The following DLC1 variants were observed in gnomAD, a reference collection of about 807,000 sequenced individuals.
The protein encoded by DLC1 is rho GTPase-activating protein 7.
A neutral mutation model predicts 140.3 loss-of-function variants in DLC1; 54 were observed. That is an observed-to-expected ratio of 0.38 (90% confidence interval 0.31 to 0.48). The LOEUF (loss-of-function observed/expected upper bound fraction) is 0.48, where lower values mean the gene tolerates loss of function less well. Among genes scored for constraint, DLC1 ranks in the 20% least tolerant of loss-of-function variants. The pLI, the probability that DLC1 is intolerant of heterozygous loss-of-function variation, is 0.96. For missense variants in DLC1, 2,536 were observed against 1,907.0 expected, an observed-to-expected ratio of 1.33 and a Z score of -6.14; for synonymous variants, 986 against 728.1, an observed-to-expected ratio of 1.35 and a Z score of -5.70.
At chr8:13,443,657 C>CAAAAAAAAAAAAAAA (rs11321891) in intron 2 of DLC1, among the ~76,000 whole-genome samples, 2 of 67,024 alleles carry the variant, frequency 3.0e-5, no homozygotes, top group Non-Finnish European at 6.9e-5. Context: ...GACTCCGTCT[C>CAAAAAAAAAAAAAAA]AAAAAAAAAA....
chr8:13,452,853 C>G (rs1799132519), intron 2 of DLC1, among the ~76,000 whole-genome samples: 2 of 152,162 alleles, frequency 1.3e-5, no homozygotes, highest in South Asian at 4.1e-4. Context: ...TCAAAATATT[C>G]TAACATGCCC....
At chr8:13,555,667 T>A (rs911581239) in intron 1 of DLC1, among the ~76,000 whole-genome samples, 1 of 151,510 alleles carries the variant, frequency 6.6e-6, no homozygotes, top group Admixed American at 6.6e-5. Context: ...ATTATTTTTT[T>A]TTTTTTGTAT....
intron 1 of DLC1, among the ~76,000 whole-genome samples, chr8:13,506,614 TATATATAC>T (rs1802096329): frequency 6.9e-6 from 1 of 145,548 alleles, no homozygotes; most frequent in African/African-American, 2.6e-5. Flanking sequence ...TATATACACA[TATATATAC>T]ACACAGAGAG....
chr8:13,349,533 A>G (rs1170736167), intron 4 of DLC1, among the ~76,000 whole-genome samples: 1 of 152,248 alleles, frequency 6.6e-6, no homozygotes, highest in Non-Finnish European at 1.5e-5. Flanking sequence ...GGTCTCAACC[A>G]GATCACCAGC....
intron 4 of DLC1, among the ~76,000 whole-genome samples, chr8:13,321,018 C>T (rs1249106821): frequency 6.6e-6 from 1 of 152,152 alleles, no homozygotes; most frequent in Non-Finnish European, 1.5e-5. Flanking sequence ...CACCATGCTT[C>T]TTGTACAGCC....
chr8:13,201,406 A>T (rs1827372672), intron 5 of DLC1, among the ~76,000 whole-genome samples: 1 of 152,224 alleles, frequency 6.6e-6, no homozygotes, highest in Non-Finnish European at 1.5e-5. Context: ...AAAGCATAAG[A>T]ACAAATACAA....
chr8:13,429,173 T>G (rs538277250), intron 2 of DLC1, among the ~76,000 whole-genome samples: 1 of 152,222 alleles, frequency 6.6e-6, no homozygotes, highest in Non-Finnish European at 1.5e-5. Flanking sequence ...TCAGAAACAC[T>G]GTGGTTCTTT....
At chr8:13,197,733 G>A (rs1827153545) in intron 5 of DLC1, among the ~76,000 whole-genome samples, 1 of 151,750 alleles carries the variant, frequency 6.6e-6, no homozygotes, top group East Asian at 1.9e-4. Flanking sequence ...CTTTATGGGG[G>A]TAAACAAAAA....
At chr8:13,382,445 C>T (rs1836312478) in intron 4 of DLC1, among the ~76,000 whole-genome samples, 2 of 128,874 alleles carry the variant, frequency 1.6e-5, no homozygotes, top group South Asian at 2.6e-4. Flanking sequence ...GGGGCGGAGC[C>T]TGCAGTGAGC....
intron 2 of DLC1, among the ~76,000 whole-genome samples, chr8:13,478,455 A>C (rs1800538900): frequency 6.6e-6 from 1 of 152,208 alleles, no homozygotes; most frequent in South Asian, 2.1e-4. Flanking sequence ...AATCTATGTC[A>C]GTGCATATTC....
upstream of DLC1, among the ~76,000 whole-genome samples, chr8:13,518,407 C>A (rs1260509859): frequency 6.6e-6 from 1 of 152,116 alleles, no homozygotes; most frequent in African/African-American, 2.4e-5. Context: ...CTGTGCCTGG[C>A]CTAAAGATCT....
chr8:13,152,821 G>GTAGAAAA (rs1554451763), intron 5 of DLC1, among the ~76,000 whole-genome samples: 1,073 of 6,344 alleles, frequency 0.17, 21 homozygotes, highest in African/African-American at 0.32. Flanking sequence ...TGTCTCTGGG[G>GTAGAAAA]AAGAAAAAAA....
intron 5 of DLC1, among the ~76,000 whole-genome samples, chr8:13,260,890 T>C (rs1348552798): frequency 6.6e-6 from 1 of 152,238 alleles, no homozygotes. Context: ...ATCTATTTTA[T>C]CTTTTAGTTG....
chr8:13,140,122 G>T (rs754718784), intron 5 of DLC1, among the ~76,000 whole-genome samples: 2 of 152,002 alleles, frequency 1.3e-5, no homozygotes, highest in African/African-American at 2.4e-5. Context: ...GACTATTTTA[G>T]GTATGTCCTA....
intron 3 of DLC1, 41 bp downstream of exon 3, chr8:13,401,429 A>G: frequency 1.9e-6 from 3 of 1,605,524 alleles, no homozygotes; most frequent in Non-Finnish European, 2.5e-6. Context: ...GTCAAGAGTT[A>G]CGACTCCTAT....
intron 4 of DLC1, among the ~76,000 whole-genome samples, chr8:13,356,776 T>C (rs945021488): frequency 1.3e-5 from 2 of 152,180 alleles, no homozygotes; most frequent in African/African-American, 2.4e-5. Context: ...ATAACAGGAA[T>C]TGGGGTCTCC....
chr8:13,545,508 A>T (rs1005294651), intron 1 of DLC1, among the ~76,000 whole-genome samples: 2 of 152,030 alleles, frequency 1.3e-5, no homozygotes, highest in African/African-American at 4.8e-5. Context: ...TTGGATCATG[A>T]TGCATTGTAT....
chr8:13,161,223 C>T (rs986861168), intron 5 of DLC1, among the ~76,000 whole-genome samples: 2 of 152,172 alleles, frequency 1.3e-5, no homozygotes, highest in East Asian at 1.9e-4. Flanking sequence ...TAGATGAAGG[C>T]GTGCAGGAAC....
intron 5 of DLC1, among the ~76,000 whole-genome samples, chr8:13,182,033 C>A (rs1261625337): frequency 1.3e-5 from 2 of 152,162 alleles, no homozygotes; most frequent in East Asian, 3.9e-4. Context: ...TCCATTCTAA[C>A]TGGTGTGAGA....
Sources: allele counts gnomAD v4.1 joint callset (sites outside exome capture counted in the v4.1 genomes callset), GRCh38; gene constraint gnomAD v4.1.1; transcripts MANE v1.5; gene names NCBI Gene and HGNC (gene_info 2026-07-23, HGNC 2026-07-21).